Variants in ERAP1 observed in about 807,000 individuals in gnomAD.
The protein encoded by ERAP1 is endoplasmic reticulum aminopeptidase 1, also known as adipocyte-derived leucine aminopeptidase.
Under a neutral mutation model 103.7 loss-of-function variants are expected in ERAP1, and 86 were observed. The ratio of observed to expected loss-of-function variants is 0.83; its 90% confidence interval spans 0.70 to 0.99. ERAP1 has a LOEUF of 0.99. ERAP1 is among the 50% of genes least tolerant of loss of function. ERAP1 has a pLI of 0.00. For synonymous variants in ERAP1, 398 were observed against 402.4 expected (o/e 0.99, Z 0.13); for missense variants, 1,009 against 1,128.4 (o/e 0.89, Z 1.52).
the ERAP1 span, among the ~76,000 whole-genome samples, chr5:96,848,130 C>T: frequency 2.3e-4 from 35 of 152,230 alleles, no homozygotes; most frequent in Non-Finnish European, 3.1e-4. Flanking sequence ...CTCACTGCAA[C>T]CTCTGCCTCC....
chr5:96,763,402 G>A (rs1383916426), intron 19 of ERAP1, among the ~76,000 whole-genome samples: 1 of 152,212 alleles, frequency 6.6e-6, no homozygotes, highest in African/African-American at 2.4e-5. Context: ...CCACAATGAA[G>A]AAAGTCCCCA....
chr5:96,874,692 G>A, the ERAP1 span, among the ~76,000 whole-genome samples: 6 of 152,238 alleles, frequency 3.9e-5, no homozygotes, highest in East Asian at 5.8e-4. Context: ...CTACTTTATC[G>A]ACTTGTTCTT....
the ERAP1 span, among the ~76,000 whole-genome samples, chr5:96,841,268 G>T: frequency 3.3e-5 from 5 of 152,310 alleles, no homozygotes; most frequent in Middle Eastern, 3.4e-3. Flanking sequence ...GGACACCACT[G>T]ATATTCTGGG....
the ERAP1 span, among the ~76,000 whole-genome samples, chr5:96,905,200 G>A: frequency 6.6e-6 from 1 of 152,070 alleles, no homozygotes; most frequent in Non-Finnish European, 1.5e-5. Context: ...TGACAACATA[G>A]AAAAGTACAC....
the ERAP1 span, among the ~76,000 whole-genome samples, chr5:96,833,866 C>T: frequency 6.6e-6 from 1 of 151,770 alleles, no homozygotes; most frequent in South Asian, 2.1e-4. Context: ...TCAGGTTCAG[C>T]CCTCCATGTG....
chr5:96,786,969 T>A (rs951092406), intron 11 of ERAP1, among the ~76,000 whole-genome samples: 1 of 152,136 alleles, frequency 6.6e-6, no homozygotes, highest in Non-Finnish European at 1.5e-5. Flanking sequence ...CTGAAAGGCA[T>A]TCTATAAAAT....
chr5:96,803,453 A>C lies in ERAP1; in HGVS notation c.474T>G (p.Thr158=). ...VIHYAGNLSE[T]FHGFYKSTYR... is the part of the protein sequence containing the mutation. The stretch of plus-strand genomic sequence containing the variant: ...AGGTGCTTTTGTAAAATCCGTGGAA[A>C]GTCTCCGAAAGATTGCCAGCATAGT... The change falls in exon 2 of 19, where the codon ACT becomes ACG. Residue 158 remains threonine, a synonymous_variant. Coordinates refer to ENST00000443439, the MANE Select transcript of ERAP1 (RefSeq NM_001040458.3). 1 of 1,612,762 alleles carries C rather than the reference A, an allele frequency of 6.2e-7. No homozygotes were observed. Among genetic ancestry groups the C allele is most frequent in the Non-Finnish European group, 8.5e-7 (1 of 1,179,684 alleles).
At chr5:96,888,892 C>A in the ERAP1 span, among the ~76,000 whole-genome samples, 1 of 152,086 alleles carries the variant, frequency 6.6e-6, no homozygotes, top group Non-Finnish European at 1.5e-5. Context: ...AAGTGGGTTC[C>A]TCTCTATGAT....
At chr5:96,906,423 T>G in the ERAP1 span, among the ~76,000 whole-genome samples, 1 of 151,944 alleles carries the variant, frequency 6.6e-6, no homozygotes, top group Non-Finnish European at 1.5e-5. Context: ...CACACCACCA[T>G]GCCCAACCAA....
Position 96,786,407 on chromosome 5 carries a change from C to T in ERAP1, c.1759+63G>A, listed in dbSNP as rs1429617220. 9 of 1,144,078 alleles carry T rather than the reference C, an allele frequency of 7.9e-6. No individual in the cohort carries two copies. The Admixed American group carries it at 8.9e-5, about 11-fold the overall frequency. 70.9% of individuals were successfully genotyped at this position (1,144,078 alleles called of 1,614,324 possible). On this transcript the variant is annotated intron_variant, in intron 12 of 18. Coordinates refer to ENST00000443439, the MANE Select transcript of ERAP1 (RefSeq NM_001040458.3). ...AAGATAAATAGCAAAAGAAACAGCACTTTAATCCTACACATTTTCACATTC... is the reference window on the plus strand; with the variant it reads ...AAGATAAATAGCAAAAGAAACAGCATTTTAATCCTACACATTTTCACATTC...
At chr5:96,921,423 A>G in the ERAP1 span, among the ~76,000 whole-genome samples, 1 of 152,140 alleles carries the variant, frequency 6.6e-6, no homozygotes, top group Non-Finnish European at 1.5e-5. Flanking sequence ...AGTCTGCATT[A>G]TACTTAGAAA....
At chr5:96,906,270 TC>T in the ERAP1 span, among the ~76,000 whole-genome samples, 4 of 152,128 alleles carry the variant, frequency 2.6e-5, no homozygotes, top group African/African-American at 9.6e-5. Flanking sequence ...CTCTTCTTCT[TC>T]TTCAAGGGCT....
chr5:96,929,713 A>G, the ERAP1 span, among the ~76,000 whole-genome samples: 6 of 152,198 alleles, frequency 3.9e-5, no homozygotes, highest in African/African-American at 1.4e-4. Context: ...ATTCATATTT[A>G]GCTCAGAATA....
chr5:96,879,879 A>G, the ERAP1 span: 2 of 1,614,052 alleles, frequency 1.2e-6, no homozygotes, highest in African/African-American at 1.3e-5. Flanking sequence ...TTTCCTTGGC[A>G]GGAGCTAAGG....
chr5:96,780,471 C>T lies in ERAP1; in HGVS notation c.2622G>A (p.Met874Ile). ...FELGSSSIAH[M>I]VMGTTNQFST... ...AGAATTGATTTGTTGTACCCATTACCATGTGGGCTATGGAAGATGAGCCAA... is the reference window on the plus strand; with the variant it reads ...AGAATTGATTTGTTGTACCCATTACTATGTGGGCTATGGAAGATGAGCCAA... Residue 874 changes from methionine (M) to isoleucine (I), a missense_variant, in exon 18 of 19, where the codon ATG becomes ATA. Coordinates refer to ENST00000443439, the MANE Select transcript of ERAP1 (RefSeq NM_001040458.3). 2 of 1,613,414 alleles carry T rather than the reference C, an allele frequency of 1.2e-6. No individual in the cohort carries two copies. The highest frequency in any genetic ancestry group is 1.7e-6 in the Non-Finnish European group (2 of 1,179,742).
rs201856260 is a variant in ERAP1 at position 96,785,879 on chromosome 5, C to A, written c.1852G>T (p.Asp618Tyr). 225 of 1,613,982 alleles carry A rather than the reference C, an allele frequency of 1.4e-4. No individual in the cohort carries two copies. The highest frequency in any genetic ancestry group is 1.8e-4 in the Non-Finnish European group (215 of 1,180,016). Residue 618 changes from aspartate to tyrosine, a missense_variant, in exon 13 of 19, where the codon GAC (aspartate) becomes TAC (tyrosine). Coordinates refer to ENST00000443439, the MANE Select transcript of ERAP1 (RefSeq NM_001040458.3). ...YIVHYEDDGWDSLTGLLKGTH... is the reference protein window; with the variant it reads ...YIVHYEDDGWYSLTGLLKGTH... The stretch of plus-strand genomic sequence containing the variant: ...CCTTTTAAAAGGCCAGTCAAAGAGT[C>A]CCATCCATCATCCTCGTAATGCACA...
At chr5:96,926,438 C>T in the ERAP1 span, among the ~76,000 whole-genome samples, 2 of 152,270 alleles carry the variant, frequency 1.3e-5, no homozygotes, top group South Asian at 4.1e-4. Context: ...ACAAAAAACC[C>T]TATACTTATT....
the ERAP1 span, among the ~76,000 whole-genome samples, chr5:96,868,179 C>G: frequency 6.6e-6 from 1 of 152,172 alleles, no homozygotes; most frequent in African/African-American, 2.4e-5. Context: ...AATCAGTTCT[C>G]TCTTAAAAGT....
At position 96,775,906 on chromosome 5, in the gene ERAP1, G is replaced by A. The variant is rs1035425662; in HGVS notation, c.*490C>T. ...ACTTGGCCTTTACAAGTCAGCCCCT[G>A]GGCATGGAGCAAGGAAGAGGGATGG... On this transcript the variant is annotated 3_prime_UTR_variant, in exon 19 of 19. Coordinates refer to ENST00000443439, the MANE Select transcript of ERAP1 (RefSeq NM_001040458.3). 1 of 971,342 alleles carries A rather than the reference G, an allele frequency of 1.0e-6. No individual in the cohort carries two copies. Among genetic ancestry groups the A allele is most frequent in the Non-Finnish European group, 1.2e-6 (1 of 811,764 alleles). 60.2% of individuals were successfully genotyped at this position (971,342 alleles called of 1,614,324 possible). A position where few individuals can be genotyped will look rare whatever the true frequency, so the allele number is the denominator to read the frequency against.
Sources: allele counts gnomAD v4.1 joint callset (sites outside exome capture counted in the v4.1 genomes callset), GRCh38; gene constraint gnomAD v4.1.1; transcripts MANE v1.5; gene names NCBI Gene and HGNC (gene_info 2026-07-23, HGNC 2026-07-21).